The following MOSMO variants were observed in gnomAD, a reference collection of about 807,000 sequenced individuals.
MOSMO encodes the protein modulator of smoothened.
A neutral mutation model predicts 18.4 loss-of-function variants in MOSMO; 5 were observed. The ratio of observed to expected loss-of-function variants is 0.27; its 90% CI spans 0.14 to 0.57. The LOEUF is 0.57. Among genes scored for constraint, MOSMO ranks in the 20% least tolerant of loss-of-function variants. The pLI is 0.92. For missense variants in MOSMO, 138 were observed against 211.8 expected (o/e 0.65, Z 2.16); for synonymous variants, 82 against 82.3 (o/e 1.00, Z 0.02).
intron 1 of MOSMO, among the ~76,000 whole-genome samples, chr16:22,072,022 G>A (rs1393350226): frequency 1.3e-5 from 2 of 152,136 alleles, no homozygotes; most frequent in African/African-American, 4.8e-5. Flanking sequence ...CCAGTGGAGT[G>A]GAAGGTGCAG....
chr16:22,074,615 T>C (rs1021574235), intron 1 of MOSMO, among the ~76,000 whole-genome samples: 1 of 152,230 alleles, frequency 6.6e-6, no homozygotes, highest in African/African-American at 2.4e-5. Context: ...CTGTCACCTT[T>C]CTAATCTAAG....
chr16:22,043,240 A>G (rs1367687412), intron 1 of MOSMO, among the ~76,000 whole-genome samples: 4 of 152,200 alleles, frequency 2.6e-5, no homozygotes, highest in African/African-American at 9.6e-5. Context: ...TATATTCTTC[A>G]TGAGGACAGA....
At chr16:22,037,287 AC>A (rs1900127746) in intron 1 of MOSMO, among the ~76,000 whole-genome samples, 1 of 152,140 alleles carries the variant, frequency 6.6e-6, no homozygotes, top group African/African-American at 2.4e-5. Context: ...GGAAAACGAA[AC>A]AAAAATTTGA....
chr16:22,034,757 T>G (rs1174918290), intron 1 of MOSMO, among the ~76,000 whole-genome samples: 2 of 140,800 alleles, frequency 1.4e-5, no homozygotes, highest in African/African-American at 5.3e-5. Flanking sequence ...TTTTTTTTTT[T>G]TTTTTTTTTT....
intron 1 of MOSMO, among the ~76,000 whole-genome samples, chr16:22,046,575 A>G (rs565601142): frequency 6.6e-6 from 1 of 152,316 alleles, no homozygotes; most frequent in East Asian, 1.9e-4. Context: ...CCTAACACAC[A>G]TATTTTCTCT....
intron 1 of MOSMO, among the ~76,000 whole-genome samples, chr16:22,036,474 G>A (rs1900111560): frequency 6.6e-6 from 1 of 152,070 alleles, no homozygotes; most frequent in African/African-American, 2.4e-5. Context: ...TAGAGGCAGG[G>A]TCCTGCTCTG....
chr16:22,074,732 T>C (rs1201625241), intron 1 of MOSMO, among the ~76,000 whole-genome samples: 1 of 152,194 alleles, frequency 6.6e-6, no homozygotes, highest in African/African-American at 2.4e-5. Context: ...TCACTTTTAT[T>C]TGAATGGGGA....
At position 22,008,262 on chromosome 16, in the gene MOSMO, C is replaced by T. The variant is rs1341230323; in HGVS notation, c.-40C>T. On this transcript the variant is annotated 5_prime_UTR_variant, in exon 1 of 3. Coordinates refer to ENST00000542527, the MANE Select transcript of MOSMO (RefSeq NM_001164579.2). Reference sequence around the variant, plus strand: ...GGGGCGGGAGGCGTGAGGCCGCTGCCTGTCCGGGGCTCGGGGGGTGGGGGG... The same window carrying T: ...GGGGCGGGAGGCGTGAGGCCGCTGCTTGTCCGGGGCTCGGGGGGTGGGGGG... 1.5e-6 allele frequency: 2 copies of T among 1,323,552 alleles called. No individual in the cohort carries two copies. The highest frequency in any genetic ancestry group is 2.7e-5 in the South Asian group (2 of 75,102). 82.0% of individuals were successfully genotyped at this position (1,323,552 alleles called of 1,614,324 possible).
intron 1 of MOSMO, among the ~76,000 whole-genome samples, chr16:22,020,364 G>A (rs1316811103): frequency 5.1e-5 from 7 of 137,762 alleles, no homozygotes; most frequent in Non-Finnish European, 7.7e-5. Context: ...GCTTGATCTC[G>A]GATCACTGCA....
At chr16:22,023,197 A>C (rs979370970) in intron 1 of MOSMO, among the ~76,000 whole-genome samples, 1 of 152,218 alleles carries the variant, frequency 6.6e-6, no homozygotes, top group Non-Finnish European at 1.5e-5. Flanking sequence ...TCAGCCTACT[A>C]AATCACCTTT....
chr16:22,042,682 T>C (rs1019317474), intron 1 of MOSMO, among the ~76,000 whole-genome samples: 2 of 152,194 alleles, frequency 1.3e-5, no homozygotes, highest in African/African-American at 4.8e-5. Flanking sequence ...AGTGCTCTAT[T>C]ACCATAGCTG....
At chr16:22,051,166 T>TC (rs1900417601) in intron 1 of MOSMO, among the ~76,000 whole-genome samples, 1 of 151,922 alleles carries the variant, frequency 6.6e-6, no homozygotes, top group African/African-American at 2.4e-5. Context: ...GACAGGTGAG[T>TC]CACTTGAGGT....
At chr16:22,058,005 A>C (rs999750201) in intron 1 of MOSMO, among the ~76,000 whole-genome samples, 1 of 152,212 alleles carries the variant, frequency 6.6e-6, no homozygotes, top group Non-Finnish European at 1.5e-5. Flanking sequence ...CTGTCTGAAA[A>C]AAAAGGCATA....
chr16:22,008,601 C>T (rs1298159977), intron 1 of MOSMO, among the ~76,000 whole-genome samples, 194 bp downstream of exon 1: 3 of 151,192 alleles, frequency 2.0e-5, no homozygotes, highest in South Asian at 4.2e-4. Flanking sequence ...GCCAGCGGGA[C>T]CCCCGGGCTG....
At position 22,031,539 on chromosome 16, in the gene MOSMO, T is replaced by A. The variant is rs746339494; in HGVS notation, c.106+23132T>A. On this transcript the variant is annotated intron_variant, in intron 1 of 2. Coordinates refer to ENST00000542527, the MANE Select transcript of MOSMO (RefSeq NM_001164579.2). ...GCTAGCACCCCTCCAACTACCCTAG[T>A]CCTAAGTAACTACTAATCTACTTTC... 5.9e-5 allele frequency among the ~76,000 whole-genome samples: 9 copies of A among 152,202 alleles called. No individual in the cohort carries two copies. The South Asian group carries it at 8.3e-4, about 14-fold the overall frequency.
At chr16:22,018,554 A>G (rs1419443739) in intron 1 of MOSMO, among the ~76,000 whole-genome samples, 2 of 152,176 alleles carry the variant, frequency 1.3e-5, no homozygotes, top group Non-Finnish European at 2.9e-5. Flanking sequence ...GATATTCCCT[A>G]TGCGATTGGA....
intron 1 of MOSMO, among the ~76,000 whole-genome samples, chr16:22,039,491 T>C (rs1900170213): frequency 6.6e-6 from 1 of 152,184 alleles, no homozygotes; most frequent in African/African-American, 2.4e-5. Context: ...GTTGGAAAGT[T>C]AGGTTTGGAA....
At chr16:22,070,287 C>T (rs1373146522) in intron 1 of MOSMO, among the ~76,000 whole-genome samples, 2 of 152,150 alleles carry the variant, frequency 1.3e-5, no homozygotes, top group Non-Finnish European at 2.9e-5. Flanking sequence ...ACAGCAGCAC[C>T]CGTCTGCTCT....
chr16:22,062,372 G>A (rs1254683117), intron 1 of MOSMO, among the ~76,000 whole-genome samples: 1 of 151,976 alleles, frequency 6.6e-6, no homozygotes. Context: ...ACCCAGGATG[G>A]AGTACAGTAA....
Sources: allele counts gnomAD v4.1 joint callset (sites outside exome capture counted in the v4.1 genomes callset), GRCh38; gene constraint gnomAD v4.1.1; transcripts MANE v1.5; gene names NCBI Gene and HGNC (gene_info 2026-07-23, HGNC 2026-07-21).